Variants in SNTB1 observed in about 807,000 individuals in gnomAD.
SNTB1 encodes the protein beta-1-syntrophin.
SNTB1 carries 36 observed loss-of-function variants against 48.9 expected under a neutral mutation model. The observed-to-expected ratio is 0.74, with a 90% CI of 0.56 to 0.97. SNTB1 has a LOEUF of 0.97. SNTB1 is among the 50% of genes least tolerant of loss of function. SNTB1 has a pLI of 0.00. For synonymous variants in SNTB1, 299 were observed against 294.6 expected, an observed-to-expected ratio of 1.01 and a Z score of -0.15; for missense variants, 786 against 703.4, an observed-to-expected ratio of 1.12 and a Z score of -1.33.
intron 4 of SNTB1, among the ~76,000 whole-genome samples, chr8:120,565,461 G>A (rs1007793284): frequency 4.6e-5 from 7 of 152,178 alleles, no homozygotes; most frequent in Non-Finnish European, 1.0e-4. Context: ...GCTGGGATTC[G>A]GAGCCAGGTT....
chr8:120,660,834 T>C (rs1305456811), intron 2 of SNTB1, among the ~76,000 whole-genome samples: 2 of 152,170 alleles, frequency 1.3e-5, no homozygotes, highest in African/African-American at 2.4e-5. Context: ...CAAAGAGGTA[T>C]TCACTGGCCT....
chr8:120,609,572 G>A (rs1024807109), intron 3 of SNTB1, among the ~76,000 whole-genome samples: 42 of 152,210 alleles, frequency 2.8e-4, no homozygotes, highest in African/African-American at 8.9e-4. Flanking sequence ...TTTGGGGAGC[G>A]CTGCCAAGCC....
At chr8:120,623,238 C>T (rs1479392847) in intron 3 of SNTB1, among the ~76,000 whole-genome samples, 1 of 152,206 alleles carries the variant, frequency 6.6e-6, no homozygotes, top group Non-Finnish European at 1.5e-5. Flanking sequence ...CAATGTAAGG[C>T]CTCATGATCA....
intron 3 of SNTB1, among the ~76,000 whole-genome samples, chr8:120,631,288 T>C (rs1427903240): frequency 6.6e-6 from 1 of 152,192 alleles, no homozygotes; most frequent in Non-Finnish European, 1.5e-5. Context: ...GGTTTGTGTT[T>C]ATTATGAATT....
At chr8:120,743,728 A>G (rs1018211046) in intron 1 of SNTB1, among the ~76,000 whole-genome samples, 2 of 152,206 alleles carry the variant, frequency 1.3e-5, no homozygotes, top group African/African-American at 4.8e-5. Context: ...GGTGGCAATG[A>G]AATAGCCAAA....
intron 2 of SNTB1, among the ~76,000 whole-genome samples, chr8:120,682,490 C>A (rs1194495507): frequency 6.6e-6 from 1 of 152,224 alleles, no homozygotes; most frequent in African/African-American, 2.4e-5. Context: ...TTCAACCCAA[C>A]CTCTCTGAAC....
chr8:120,601,200 T>C (rs2130718971), intron 3 of SNTB1, among the ~76,000 whole-genome samples: 1 of 151,464 alleles, frequency 6.6e-6, no homozygotes, highest in African/African-American at 2.4e-5. Flanking sequence ...TTGCTATTCC[T>C]GGAGTCATCA....
chr8:120,686,724 A>G (rs1156859079), intron 2 of SNTB1, among the ~76,000 whole-genome samples: 1 of 152,226 alleles, frequency 6.6e-6, no homozygotes, highest in Non-Finnish European at 1.5e-5. Flanking sequence ...TTCCAGAATA[A>G]CTGCAACTCT....
chr8:120,634,141 T>G (rs1817029272), intron 2 of SNTB1, among the ~76,000 whole-genome samples: 1 of 152,052 alleles, frequency 6.6e-6, no homozygotes, highest in African/African-American at 2.4e-5. Context: ...ACTTTTTAAT[T>G]GCATAAAGAA....
intron 4 of SNTB1, among the ~76,000 whole-genome samples, chr8:120,574,568 A>G (rs928670158): frequency 2.0e-5 from 3 of 152,204 alleles, no homozygotes; most frequent in Admixed American, 2.0e-4. Flanking sequence ...CACATGAATA[A>G]TAAATGTGCA....
Position 120,686,636 on chromosome 8 carries a change from C to A in SNTB1, c.788+7056G>T, listed in dbSNP as rs536161354. On this transcript the variant is annotated intron_variant, in intron 2 of 6. Coordinates refer to ENST00000517992, the MANE Select transcript of SNTB1 (RefSeq NM_021021.4). ...CATTAAGACTATAGCAAAGAAGGAACCTGAAAATCAGAGAGATTGGATAAT... is the reference window on the plus strand; with the variant it reads ...CATTAAGACTATAGCAAAGAAGGAAACTGAAAATCAGAGAGATTGGATAAT... 2.0e-5 allele frequency among the ~76,000 whole-genome samples: 3 copies of A among 152,076 alleles called. No individual in the cohort carries two copies. The South Asian group carries it at 6.2e-4, about 32-fold the overall frequency.
chr8:120,681,498 A>C (rs1817930465), intron 2 of SNTB1, among the ~76,000 whole-genome samples: 1 of 152,196 alleles, frequency 6.6e-6, no homozygotes, highest in South Asian at 2.1e-4. Context: ...GAACCTCCAG[A>C]GACAGGGTAG....
At chr8:120,649,759 C>A (rs1254833958) in intron 2 of SNTB1, among the ~76,000 whole-genome samples, 2 of 152,232 alleles carry the variant, frequency 1.3e-5, no homozygotes. Flanking sequence ...GGCGCCCCTC[C>A]CCCAGCCTAG....
intron 4 of SNTB1, among the ~76,000 whole-genome samples, chr8:120,573,768 A>T (rs1319464036): frequency 6.6e-6 from 1 of 152,116 alleles, no homozygotes; most frequent in Admixed American, 6.5e-5. Context: ...TTTTCCCAGC[A>T]CCATTTATTG....
chr8:120,747,368 G>A, intron 1 of SNTB1, among the ~76,000 whole-genome samples: 1 of 152,188 alleles, frequency 6.6e-6, no homozygotes, highest in Non-Finnish European at 1.5e-5. Flanking sequence ...TTGGCTAGTT[G>A]TAACCACCAT....
chr8:120,542,341 C>T (rs1218412925), intron 5 of SNTB1, among the ~76,000 whole-genome samples: 6 of 152,138 alleles, frequency 3.9e-5, no homozygotes, highest in Non-Finnish European at 8.8e-5. Context: ...TTGTCTCAAG[C>T]CAGAAAAAAC....
chr8:120,706,529 C>T (rs1386304912), intron 1 of SNTB1, among the ~76,000 whole-genome samples: 2 of 152,110 alleles, frequency 1.3e-5, no homozygotes, highest in Non-Finnish European at 2.9e-5. Flanking sequence ...TTTGCCCTCA[C>T]CACCAAAAAT....
chr8:120,669,443 G>GTTTTTT (rs1182227923), intron 2 of SNTB1, among the ~76,000 whole-genome samples: 3 of 82,332 alleles, frequency 3.6e-5, no homozygotes, highest in African/African-American at 1.4e-4. Flanking sequence ...GAAAATGCTT[G>GTTTTTT]TTTTTTTTTT....
chr8:120,800,462 T>C (rs1328298346), intron 1 of SNTB1, among the ~76,000 whole-genome samples: 1 of 151,934 alleles, frequency 6.6e-6, no homozygotes, highest in East Asian at 1.9e-4. Context: ...TACTGAAAAA[T>C]GTGCTCCAGT....
Sources: allele counts gnomAD v4.1 joint callset (sites outside exome capture counted in the v4.1 genomes callset), GRCh38; gene constraint gnomAD v4.1.1; transcripts MANE v1.5; gene names NCBI Gene and HGNC (gene_info 2026-07-23, HGNC 2026-07-21).